IL12RB2: variants seen among roughly 807,000 people sequenced by gnomAD.
IL12RB2 encodes the protein interleukin 12 receptor subunit beta 2, also known as interleukin-12 receptor subunit beta-2.
A neutral mutation model predicts 89.4 loss-of-function variants in IL12RB2; 82 were observed. That is an observed-to-expected ratio of 0.92 (90% CI 0.77 to 1.10). IL12RB2 has a LOEUF of 1.10. Ranked by LOEUF, IL12RB2 falls within the 50% of genes least tolerant of loss-of-function variation. The pLI, the probability that IL12RB2 is intolerant of heterozygous loss-of-function variation, is 0.00. For synonymous variants in IL12RB2, 368 were observed against 370.1 expected, an observed-to-expected ratio of 0.99 and a Z score of 0.07; for missense variants, 963 against 1,031.9, an observed-to-expected ratio of 0.93 and a Z score of 0.92.
At chr1:67,365,013 A>G (rs79612911) in intron 10 of IL12RB2, among the ~76,000 whole-genome samples, 2 of 152,252 alleles carry the variant, frequency 1.3e-5, no homozygotes, top group African/African-American at 4.8e-5. Flanking sequence ...AGATAGCTGG[A>G]AAATCCCAAA....
intron 11 of IL12RB2, 79 bp from the exon 12 acceptor site, chr1:67,372,357 T>C (rs1663457716): frequency 2.5e-6 from 2 of 811,454 alleles, no homozygotes; most frequent in South Asian, 1.3e-5. Flanking sequence ...AAAGCATTTG[T>C]ATCAGATAAT....
intron 13 of IL12RB2, among the ~76,000 whole-genome samples, chr1:67,379,708 C>CA (rs1278150939): frequency 6.6e-6 from 1 of 151,026 alleles, no homozygotes; most frequent in African/African-American, 2.4e-5. Context: ...CCACAAAACA[C>CA]AAAAAAGAGA....
intron 13 of IL12RB2, among the ~76,000 whole-genome samples, chr1:67,376,125 C>T (rs1002358452): frequency 3.9e-5 from 6 of 152,246 alleles, no homozygotes; most frequent in Non-Finnish European, 5.9e-5. Flanking sequence ...GGATTACAGA[C>T]GTGAGCCACC....
chr1:67,320,249 G>A (rs959992437), intron 2 of IL12RB2, 84 bp from the exon 3 acceptor site: 16 of 1,582,706 alleles, frequency 1.0e-5, no homozygotes, highest in South Asian at 5.7e-5. Flanking sequence ...AAAATAAAGC[G>A]GCACTTGAAG....
chr1:67,340,524 T>C (rs6662198), intron 9 of IL12RB2, among the ~76,000 whole-genome samples: 94,577 of 152,150 alleles, frequency 0.62, 33,002 homozygotes, highest in South Asian at 0.78. Flanking sequence ...ATGAGGGTAA[T>C]GATACAGGTA....
chr1:67,370,402 A>G (rs995351648), intron 11 of IL12RB2, among the ~76,000 whole-genome samples: 2 of 152,178 alleles, frequency 1.3e-5, no homozygotes, highest in Admixed American at 6.5e-5. Context: ...TTTTACAAAT[A>G]CATAACATCA....
At chr1:67,381,805 C>T (rs11209061) in intron 14 of IL12RB2, among the ~76,000 whole-genome samples, 68,989 of 147,316 alleles carry the variant, frequency 0.47, 18,231 homozygotes, top group Non-Finnish European at 0.58. Flanking sequence ...TTAACTTGCT[C>T]GATTAATGTG....
intron 4 of IL12RB2, among the ~76,000 whole-genome samples, chr1:67,326,268 A>T (rs1181420480): frequency 2.6e-5 from 4 of 152,176 alleles, no homozygotes; most frequent in Non-Finnish European, 5.9e-5. Context: ...TATTATTACC[A>T]GGGGTAATGG....
intron 8 of IL12RB2, among the ~76,000 whole-genome samples, chr1:67,332,048 A>G (rs114493780): frequency 0.011 from 1,627 of 152,286 alleles, 24 homozygotes; most frequent in African/African-American, 0.038. Flanking sequence ...CCTCATAATT[A>G]AGTTGCATTT....
At chr1:67,324,932 A>G (rs1657089516) in intron 4 of IL12RB2, among the ~76,000 whole-genome samples, 2 of 152,242 alleles carry the variant, frequency 1.3e-5, no homozygotes, top group African/African-American at 4.8e-5. Context: ...GAGGAAGCTG[A>G]TGCCCCAGGC....
intron 5 of IL12RB2, among the ~76,000 whole-genome samples, 186 bp downstream of exon 5, chr1:67,327,035 A>G (rs1275250038): frequency 1.3e-5 from 2 of 151,802 alleles, no homozygotes; most frequent in Admixed American, 6.6e-5. Context: ...ATCTCGGCTC[A>G]CTGCAACCTC....
rs1373639573 is a variant in IL12RB2, at chr1:67,328,343, G to T, written c.623G>T (p.Ser208Ile). Reference protein sequence around the residue: ...AKVTAVNSLGSSSSLPSTFTF... With the variant: ...AKVTAVNSLGISSSLPSTFTF... ...GTTACTGCTGTCAATAGTCTTGGAA[G>T]CTCCTCTTCACTTCCATCCACATTC... Residue 208 changes from serine (S) to isoleucine (I), a missense_variant, in exon 6 of 17, where the codon AGC becomes ATC. By Grantham distance (142) the Ser-to-Ile change is moderately radical. Coordinates refer to ENST00000674203, the MANE Select transcript of IL12RB2 (RefSeq NM_001374259.2). 1.9e-6 allele frequency: 3 copies of T among 1,614,000 alleles called. No individual in the cohort carries two copies. The African/African-American group carries it at 4.0e-5, about 22-fold the overall frequency.
At position 67,330,830 on chromosome 1, in the gene IL12RB2, A is replaced by G. The variant is rs1355252366; in HGVS notation, c.958+20A>G. On this transcript the variant is annotated intron_variant, in intron 8 of 16. Transcript: ENST00000674203. ...AAGAAGGTATATGTCCAAAATATACATACCTATCGGGGAGCAATAAAGGGG... is the reference window on the plus strand; with the variant it reads ...AAGAAGGTATATGTCCAAAATATACGTACCTATCGGGGAGCAATAAAGGGG... 5.0e-6 allele frequency: 7 copies of G among 1,387,214 alleles called. No individual in the cohort carries two copies. The East Asian group carries it at 1.1e-4, about 23-fold the overall frequency. The allele number at this position is 1,387,214 out of a possible 1,614,324, so 85.9% of individuals were successfully genotyped here.
At chr1:67,388,699 G>A (rs555502458) in intron 15 of IL12RB2, among the ~76,000 whole-genome samples, 3 of 152,066 alleles carry the variant, frequency 2.0e-5, no homozygotes, top group Non-Finnish European at 4.4e-5. Context: ...GGTGATTTTA[G>A]TTTTTCTTGT....
At chr1:67,385,032 C>T (rs547481861) in intron 14 of IL12RB2, among the ~76,000 whole-genome samples, 2 of 152,376 alleles carry the variant, frequency 1.3e-5, no homozygotes, top group South Asian at 4.1e-4. Context: ...GTTCCAACCT[C>T]TGCCTTCATC....
chr1:67,343,954 T>A (rs897112278), intron 9 of IL12RB2, among the ~76,000 whole-genome samples: 1 of 152,200 alleles, frequency 6.6e-6, no homozygotes, highest in Admixed American at 6.5e-5. Context: ...ATAGCTGGGA[T>A]ATGAAAGTGA....
intron 10 of IL12RB2, among the ~76,000 whole-genome samples, chr1:67,353,443 G>A (rs531330005): frequency 4.6e-5 from 7 of 152,242 alleles, no homozygotes; most frequent in African/African-American, 1.4e-4. Context: ...GGTGGCTCAC[G>A]CCTGTGGTTC....
chr1:67,311,265 A>G (rs559618280), intron 1 of IL12RB2, among the ~76,000 whole-genome samples: 1 of 152,288 alleles, frequency 6.6e-6, no homozygotes, highest in East Asian at 1.9e-4. Flanking sequence ...TGGGTTTAAC[A>G]TGGGAGCCCT....
Position 67,331,798 on chromosome 1 carries a change from C to T in IL12RB2, c.958+988C>T, listed in dbSNP as rs538255609. ...AGGTTGCAATGAGCCAAGATTGTGC[C>T]ACTGCAATCCAGCCTGGGCAACAGA... On this transcript the variant is annotated intron_variant, in intron 8 of 16. Transcript: ENST00000674203. Among the ~76,000 whole-genome samples the T allele has an allele frequency of 1.7e-3, 261 of 152,220 alleles. 3 individuals carry two copies. The highest frequency in any genetic ancestry group is 5.6e-4 in the Non-Finnish European group (38 of 68,016).
Sources: gnomAD v4.1 joint callset for allele counts (sites outside exome capture counted in the v4.1 genomes callset) on GRCh38, gnomAD v4.1.1 for gene constraint, MANE v1.5 for transcripts, NCBI Gene and HGNC (gene_info 2026-07-23, HGNC 2026-07-21) for gene names.